Variants in GAD1 observed in about 807,000 individuals in gnomAD.
GAD1 encodes the protein glutamate decarboxylase 1.
Under a neutral mutation model 75.2 loss-of-function variants are expected in GAD1, and 35 were observed. The observed-to-expected ratio is 0.47, with a 90% CI of 0.36 to 0.62. The LOEUF (loss-of-function observed/expected upper bound fraction) is 0.62, where lower values mean the gene tolerates loss of function less well. GAD1 is among the 20% of genes least tolerant of loss of function. The probability of loss-of-function intolerance (pLI) is 0.00; values close to 1 mark genes in which losing one functional copy is unlikely to be tolerated. For synonymous variants in GAD1, 257 were observed against 271.9 expected (o/e 0.95, Z 0.54); for missense variants, 490 against 758.5 (o/e 0.65, Z 4.16).
intron 12 of GAD1, among the ~76,000 whole-genome samples, chr2:170,849,993 C>A (rs1011031448): frequency 6.6e-6 from 1 of 152,214 alleles, no homozygotes; most frequent in Admixed American, 6.5e-5. Flanking sequence ...GACCTGACTC[C>A]TAAGTGTTGA....
intron 6 of GAD1, among the ~76,000 whole-genome samples, chr2:170,838,051 C>A (rs138055799): frequency 3.9e-5 from 6 of 152,294 alleles, no homozygotes; most frequent in Admixed American, 3.3e-4. Flanking sequence ...AGAAAAGTTT[C>A]TATTAATTAA....
chr2:170,845,832 T>C, intron 9 of GAD1, 47 bp downstream of exon 9: 1 of 1,574,966 alleles, frequency 6.3e-7, no homozygotes, highest in Non-Finnish European at 8.7e-7. Flanking sequence ...ATTAAATGTG[T>C]TCATCTGTTA....
chr2:170,813,259 G>A (rs1011291446), upstream of GAD1: 1 of 152,208 alleles, frequency 6.6e-6, no homozygotes, highest in Admixed American at 6.5e-5. Flanking sequence ...TGTTGGGATG[G>A]GGGTGTGGAT....
intron 14 of GAD1, among the ~76,000 whole-genome samples, chr2:170,854,660 C>T (rs1702814046): frequency 1.3e-5 from 2 of 152,236 alleles, no homozygotes; most frequent in South Asian, 4.1e-4. Flanking sequence ...CCACCTCGGC[C>T]TCCCAAAGTG....
rs1288195968 is a variant in GAD1 at position 170,860,440 on chromosome 2, T to C, written c.*558T>C. The C allele has an allele frequency of 6.4e-6, 1 of 157,352 alleles. No homozygotes were observed. Among genetic ancestry groups the C allele is most frequent in the Non-Finnish European group, 1.4e-5 (1 of 70,812 alleles). The allele number at this position is 157,352 out of a possible 1,614,324, so 9.7% of individuals were successfully genotyped here. ...GGGAAAATAGTAGCAGAGTCATTGT[T>C]ACAGGTGTACTATGGCTGTATTTTT... is the stretch of plus-strand genomic sequence containing the variant. On this transcript the variant is annotated 3_prime_UTR_variant, in exon 17 of 17. Transcript: ENST00000358196.
rs771076223 is a variant in GAD1, at chr2:170,859,758, T to C, written c.1661T>C (p.Val554Ala). 1 of 1,614,212 alleles carries C rather than the reference T, an allele frequency of 6.2e-7. No homozygotes were observed. The highest frequency in any genetic ancestry group is 8.5e-7 in the Non-Finnish European group (1 of 1,180,036). ...ALMMESGTTM[V>A]GYQPQGDKAN... ...ATGATGGAGTCAGGTACGACCATGG[T>C]TGGCTACCAGCCCCAAGGGGACAAG... The change falls in exon 17 of 17, where the codon GTT (valine) becomes GCT (alanine). Residue 554 changes from valine (V) to alanine (A), a missense_variant. Around this residue, in one of 3 missense-constraint regions of GAD1, gnomAD observed 324 missense variants for 523.9 expected, o/e 0.62. Coordinates refer to ENST00000358196, the MANE Select transcript of GAD1 (RefSeq NM_000817.3).
rs111208308 is a variant in GAD1 at position 170,828,333 on chromosome 2, G to A, written c.146-1142G>A. Among the ~76,000 whole-genome samples the A allele has an allele frequency of 2.2e-3, 219 of 101,446 alleles. 4 individuals are homozygous for A. Among genetic ancestry groups the A allele is most frequent in the African/African-American group, 7.7e-3 (201 of 26,162 alleles). 66.6% of individuals were successfully genotyped at this position (101,446 alleles called of 152,430 possible). ...CTGTCCTCACCCTCTTCCCTCTGCT[G>A]TCATCTTCCTCCCTCTGCTGTCCTC... On this transcript the variant is annotated intron_variant, in intron 3 of 16. Coordinates refer to ENST00000358196, the MANE Select transcript of GAD1 (RefSeq NM_000817.3).
chr2:170,853,881 C>G lies in GAD1; in HGVS notation c.1272C>G (p.Leu424=). The G allele has an allele frequency of 6.2e-7, 1 of 1,614,108 alleles. No individual in the cohort carries two copies. Among genetic ancestry groups the G allele is most frequent in the African/African-American group, 1.3e-5 (1 of 75,034 alleles). The change falls in exon 14 of 17, where the codon CTC becomes CTG. Residue 424 remains leucine (L), a synonymous_variant. Coordinates refer to ENST00000358196, the MANE Select transcript of GAD1 (RefSeq NM_000817.3). The surrounding 1 kb of genome is among the most constrained non-coding windows in gnomAD (Gnocchi z 4.1). The stretch of plus-strand genomic sequence containing the variant: ...CTTAATTTCCATGATAGGGTATACT[C>G]CAAGGATGCAACCAGATGTGTGCAG... ...SAILVKEKGI[L]QGCNQMCAGY... is the part of the protein sequence containing the mutation.
In GAD1 at chr2:170,860,201, T is replaced by C. The variant is rs1331454670; in HGVS notation, c.*319T>C. The stretch of plus-strand genomic sequence containing the variant: ...CGCTCCAAGAGAATTCACTTTACCT[T>C]CAGCAGTTACCGAGGAGCTAAACAT... On this transcript the variant is annotated 3_prime_UTR_variant, in exon 17 of 17. Transcript: ENST00000358196. The C allele has an allele frequency of 7.4e-6, 2 of 269,504 alleles. No individual in the cohort carries two copies. Among genetic ancestry groups the C allele is most frequent in the Non-Finnish European group, 1.4e-5 (2 of 138,878 alleles). The allele number at this position is 269,504 out of a possible 1,614,324, so 16.7% of individuals were successfully genotyped here.
chr2:170,822,511 C>A (rs1412118374), intron 3 of GAD1, among the ~76,000 whole-genome samples: 1 of 152,240 alleles, frequency 6.6e-6, no homozygotes, highest in African/African-American at 2.4e-5. Flanking sequence ...ACTCTGCCTG[C>A]GCGTCCCAAA....
chr2:170,835,637 T>C (rs1219750494), intron 5 of GAD1, among the ~76,000 whole-genome samples: 1 of 152,234 alleles, frequency 6.6e-6, no homozygotes, highest in African/African-American at 2.4e-5. Flanking sequence ...ATCTTTTGTT[T>C]CTGCCAAGCT....
At chr2:170,848,826 G>T (rs779558070) in intron 11 of GAD1, 1 of 519,348 alleles carries the variant, frequency 1.9e-6, no homozygotes, top group Non-Finnish European at 3.8e-6. Context: ...TGTTACATAA[G>T]TTGTTGTGAG....
intron 3 of GAD1, among the ~76,000 whole-genome samples, chr2:170,822,749 C>T (rs549978278): frequency 6.6e-6 from 1 of 152,326 alleles, no homozygotes; most frequent in African/African-American, 2.4e-5. Context: ...TTTGGGGCTT[C>T]GGAGGCTAAA....
chr2:170,848,997 A>G (rs912916085), intron 11 of GAD1: 1 of 481,488 alleles, frequency 2.1e-6, no homozygotes, highest in African/African-American at 2.0e-5. Flanking sequence ...ACATTGGGCT[A>G]ATGGGCCATT....
chr2:170,834,765 CTTTTT>C (rs10930442), intron 5 of GAD1, among the ~76,000 whole-genome samples: 2 of 135,266 alleles, frequency 1.5e-5, no homozygotes, highest in Non-Finnish European at 1.6e-5. Context: ...AATATTCATT[CTTTTT>C]TTTTTTTTTT....
chr2:170,833,520 T>A (rs1435514024), intron 5 of GAD1, among the ~76,000 whole-genome samples: 1 of 152,250 alleles, frequency 6.6e-6, no homozygotes, highest in African/African-American at 2.4e-5. Flanking sequence ...TCCCCATGTA[T>A]GTTTAGCTTG....
chr2:170,822,218 T>C (rs1701905470), intron 3 of GAD1, 69 bp downstream of exon 3: 2 of 1,311,488 alleles, frequency 1.5e-6, no homozygotes, highest in South Asian at 2.4e-5. Flanking sequence ...CTTGGGAGAC[T>C]GGGACGCAAG....
chr2:170,824,929 C>CGTGT (rs56938472), intron 3 of GAD1, among the ~76,000 whole-genome samples: 33,887 of 149,850 alleles, frequency 0.23, 4,088 homozygotes, highest in East Asian at 0.52. Context: ...AGCCTACACT[C>CGTGT]GTGTGTGTGT....
chr2:170,835,337 G>A (rs1369801652), intron 5 of GAD1, among the ~76,000 whole-genome samples: 1 of 152,012 alleles, frequency 6.6e-6, no homozygotes, highest in Non-Finnish European at 1.5e-5. Context: ...TTTATTTGTA[G>A]GAAAACTTTG....
Sources: gnomAD v4.1 joint callset for allele counts (sites outside exome capture counted in the v4.1 genomes callset) on GRCh38, gnomAD v4.1.1 for gene constraint, gnomAD v4.1.1 regional missense constraint, Gnocchi (gnomAD v3.1) non-coding constraint, MANE v1.5 for transcripts, NCBI Gene and HGNC (gene_info 2026-07-23, HGNC 2026-07-21) for gene names.